Variants in TTI2 observed in about 807,000 individuals in gnomAD.
TTI2 encodes TELO2-interacting protein 2.
A neutral mutation model predicts 44.9 loss-of-function variants in TTI2; 26 were observed. That is an observed-to-expected ratio of 0.58 (90% confidence interval 0.42 to 0.80). The LOEUF (loss-of-function observed/expected upper bound fraction) is 0.80, where lower values mean the gene tolerates loss of function less well. TTI2 is among the 30% of genes least tolerant of loss of function. TTI2 has a pLI of 0.00. For synonymous variants in TTI2, 254 were observed against 250.9 expected (o/e 1.01, Z -0.12); for missense variants, 582 against 611.6 (o/e 0.95, Z 0.51).
At chr8:33,501,281 A>G (rs1809069580) in intron 6 of TTI2, 1 of 152,146 alleles carries the variant, frequency 6.6e-6, no homozygotes, top group Non-Finnish European at 1.5e-5. Flanking sequence ...TGGGAGAAAA[A>G]AGTTTTCATC....
chr8:33,504,289 A>ATTTTTTTTTTTTTTTTTTTTTTTTT, intron 4 of TTI2, among the ~76,000 whole-genome samples: 1 of 72,978 alleles, frequency 1.4e-5, no homozygotes, highest in Non-Finnish European at 2.4e-5. Flanking sequence ...ATATTTACAC[A>ATTTTTTTTTTTTTTTTTTTTTTTTT]TTTTTTTTTT....
At chr8:33,508,238 A>G (rs1243579674) in intron 3 of TTI2, among the ~76,000 whole-genome samples, 1 of 151,694 alleles carries the variant, frequency 6.6e-6, no homozygotes, top group Non-Finnish European at 1.5e-5. Context: ...TAAAATGTGT[A>G]TAGTTTCCTC....
chr8:33,499,354 T>A, intron 7 of TTI2, 77 bp from the exon 8 acceptor site: 1 of 1,044,464 alleles, frequency 9.6e-7, no homozygotes, highest in South Asian at 1.3e-5. Flanking sequence ...TTCTTCTTCC[T>A]TGGTATCATA....
At position 33,498,897 on chromosome 8, in the gene TTI2, T is replaced by G. The variant is rs973107790; in HGVS notation, c.*276A>C. 1.0e-5 allele frequency: 6 copies of G among 579,054 alleles called. No individual in the cohort carries two copies. Among genetic ancestry groups the G allele is most frequent in the Non-Finnish European group, 1.8e-5 (6 of 329,212 alleles). The allele number at this position is 579,054 out of a possible 1,614,324, so 35.9% of individuals were successfully genotyped here. ...AACTTAACAGATGAGTTCTTGAATC[T>G]GGGATGAGATGACGGATGTAAATAT... is the stretch of plus-strand genomic sequence containing the variant. On this transcript the variant is annotated 3_prime_UTR_variant, in exon 8 of 8. Coordinates refer to ENST00000431156, the MANE Select transcript of TTI2 (RefSeq NM_001102401.4).
intron 3 of TTI2, among the ~76,000 whole-genome samples, chr8:33,509,473 A>AAAAG (rs1246763589): frequency 3.1e-4 from 42 of 133,982 alleles, no homozygotes; most frequent in South Asian, 9.2e-4. Flanking sequence ...AAAAAAAAAA[A>AAAAG]AAAGAAAGAA....
At chr8:33,502,572 C>T (rs1809124547) in intron 6 of TTI2, among the ~76,000 whole-genome samples, 2 of 152,056 alleles carry the variant, frequency 1.3e-5, no homozygotes, top group Admixed American at 1.3e-4. Flanking sequence ...CGCCTATAAT[C>T]CCAGCACTTT....
At chr8:33,511,760 G>A (rs1018394496) in intron 2 of TTI2, among the ~76,000 whole-genome samples, 1 of 152,056 alleles carries the variant, frequency 6.6e-6, no homozygotes, top group Non-Finnish European at 1.5e-5. Flanking sequence ...GTGGTGACGG[G>A]CAACTGTAAT....
intron 7 of TTI2, 148 bp from the exon 8 acceptor site, chr8:33,499,425 G>A (rs1460143229): frequency 6.3e-6 from 4 of 638,514 alleles, no homozygotes; most frequent in Non-Finnish European, 1.1e-5. Context: ...ATAGGTATTA[G>A]TTGGTTTTTT....
At chr8:33,508,617 C>CAAAAAAAAAAA (rs55717202) in intron 3 of TTI2, among the ~76,000 whole-genome samples, 1 of 63,968 alleles carries the variant, frequency 1.6e-5, no homozygotes, top group Non-Finnish European at 2.8e-5. Context: ...GACTCTGCCT[C>CAAAAAAAAAAA]AAAAAAAAAA....
chr8:33,508,617 C>CAAAAAAAAAA (rs55717202), intron 3 of TTI2, among the ~76,000 whole-genome samples: 3 of 63,970 alleles, frequency 4.7e-5, no homozygotes, highest in Non-Finnish European at 8.3e-5. Flanking sequence ...GACTCTGCCT[C>CAAAAAAAAAA]AAAAAAAAAA....
chr8:33,511,804 G>A (rs573317497), intron 2 of TTI2, among the ~76,000 whole-genome samples, 163 bp downstream of exon 2: 1 of 152,240 alleles, frequency 6.6e-6, no homozygotes, highest in South Asian at 2.1e-4. Flanking sequence ...CAGGAGAATC[G>A]CTTGAACCCA....
chr8:33,503,909 T>A lies in TTI2; in HGVS notation c.954A>T (p.Leu318Phe), dbSNP rs1193038583. Reference protein sequence around the residue: ...IQAVLLCLLDLFPILEKTLHW... With the variant: ...IQAVLLCLLDFFPILEKTLHW... ...GCAGGGTTTTCTCCAGGATGGGGAATAAATCCAGCAGACACAGGAGCACAG... is the reference window on the plus strand; with the variant it reads ...GCAGGGTTTTCTCCAGGATGGGGAAAAAATCCAGCAGACACAGGAGCACAG... The change falls in exon 5 of 8, where the codon TTA (leucine) becomes TTT (phenylalanine). Residue 318 changes from leucine (L) to phenylalanine (F), a missense_variant. Physicochemically the swap from Leu to Phe is conservative, Grantham distance 22. Coordinates refer to ENST00000431156, the MANE Select transcript of TTI2 (RefSeq NM_001102401.4). 6.2e-7 allele frequency: 1 copy of A among 1,613,944 alleles called. No individual in the cohort carries two copies. The highest frequency in any genetic ancestry group is 8.5e-7 in the Non-Finnish European group (1 of 1,179,988).
At chr8:33,504,110 C>T (rs1487570089) in intron 4 of TTI2, among the ~76,000 whole-genome samples, 175 bp from the exon 5 acceptor site, 1 of 152,054 alleles carries the variant, frequency 6.6e-6, no homozygotes, top group African/African-American at 2.4e-5. Context: ...AACTTTTTTA[C>T]ATTCTTAATC....
In TTI2 at chr8:33,503,820, G is replaced by T; in HGVS notation, c.1043C>A (p.Thr348Asn). 1 of 1,614,148 alleles carries T rather than the reference G, an allele frequency of 6.2e-7. No individual in the cohort carries two copies. The stretch of plus-strand genomic sequence containing the variant: ...AAGGCGGTGCTCTGGCTCCATGTGG[G>T]TCAGGATCAGCCGCAGGACCTCATC... ...HCDEVLRLIL[T>N]HMEPEHRLLL... Residue 348 changes from threonine to asparagine, a missense_variant, in exon 5 of 8, where the codon ACC (threonine) becomes AAC (asparagine). Transcript: ENST00000431156.
rs763594951 is a variant in TTI2 at position 33,503,924 on chromosome 8, C to T, written c.939G>A (p.Leu313=). 1.2e-6 allele frequency: 2 copies of T among 1,613,928 alleles called. No individual in the cohort carries two copies. Among genetic ancestry groups the T allele is most frequent in the African/African-American group, 1.3e-5 (1 of 74,860 alleles). The change falls in exon 5 of 8, where the codon CTG becomes CTA. Residue 313 remains leucine, a synonymous_variant. Coordinates refer to ENST00000431156, the MANE Select transcript of TTI2 (RefSeq NM_001102401.4). ...PEHHLIQAVL[L]CLLDLFPILE... ...GGATGGGGAATAAATCCAGCAGACA[C>T]AGGAGCACAGCCTAGGAGGAAGGAA...
intron 2 of TTI2, among the ~76,000 whole-genome samples, chr8:33,511,705 T>C (rs1809534030): frequency 1.3e-5 from 2 of 151,878 alleles, no homozygotes; most frequent in African/African-American, 4.8e-5. Context: ...CTGGCCAACA[T>C]GGTGAAACCC....
At chr8:33,512,736 G>A (rs566202571) in intron 1 of TTI2, 24 bp from the exon 2 acceptor site, 2 of 1,167,482 alleles carry the variant, frequency 1.7e-6, no homozygotes, top group Admixed American at 2.5e-5. Context: ...AAATAAAACA[G>A]AGAGATGTCT....
chr8:33,501,259 C>T (rs1809068115), intron 6 of TTI2: 1 of 152,178 alleles, frequency 6.6e-6, no homozygotes, highest in Non-Finnish European at 1.5e-5. Context: ...TATTTATGGA[C>T]AGATGCGTGA....
At chr8:33,501,926 C>A (rs1468342763) in intron 6 of TTI2, among the ~76,000 whole-genome samples, 1 of 151,946 alleles carries the variant, frequency 6.6e-6, no homozygotes, top group Non-Finnish European at 1.5e-5. Context: ...CATTAGTATG[C>A]TTTTTTTAAA....
Sources: allele counts gnomAD v4.1 joint callset (sites outside exome capture counted in the v4.1 genomes callset), GRCh38; gene constraint gnomAD v4.1.1; transcripts MANE v1.5; gene names NCBI Gene and HGNC (gene_info 2026-07-23, HGNC 2026-07-21).